Variants in EXO1 observed in about 807,000 individuals in gnomAD.
EXO1 encodes exonuclease 1.
In EXO1, 69 loss-of-function variants were observed where a neutral mutation model predicts 84.5. The ratio of observed to expected loss-of-function variants is 0.82; its 90% confidence interval spans 0.67 to 1.00. The LOEUF (loss-of-function observed/expected upper bound fraction) is 1.00, where lower values mean the gene tolerates loss of function less well. EXO1 is among the 50% of genes least tolerant of loss of function. EXO1 has a pLI of 0.00. For missense variants in EXO1, 1,045 were observed against 1,000.7 expected (o/e 1.04, Z -0.60); for synonymous variants, 373 against 366.1 (o/e 1.02, Z -0.21).
chr1:241,851,074 C>A (rs1166189050), intron 4 of EXO1, among the ~76,000 whole-genome samples: 1 of 152,072 alleles, frequency 6.6e-6, no homozygotes, highest in African/African-American at 2.4e-5. Flanking sequence ...AAGTGATCCG[C>A]CTGCTTTGGC....
chr1:241,885,234 A>G (rs1662991592), intron 14 of EXO1, 80 bp from the exon 15 acceptor site: 1 of 788,250 alleles, frequency 1.3e-6, no homozygotes, highest in African/African-American at 1.8e-5. Flanking sequence ...ATAAATAAAT[A>G]AGTAAAGAAT....
In EXO1 at chr1:241,889,891, AT is replaced by A; in HGVS notation, c.*294del. On this transcript the variant is annotated 3_prime_UTR_variant, in exon 16 of 16. Transcript: ENST00000366548. ...GAGTTTATAAAAGTCTACTCTAAAT[AT>A]TTCTGTAATGTTGTCAAGTAGAAAG... 2.6e-6 allele frequency: 1 copy of A among 378,880 alleles called. No homozygotes were observed. Among genetic ancestry groups the A allele is most frequent in the South Asian group, 2.6e-5 (1 of 38,622 alleles). 23.5% of individuals were successfully genotyped at this position (378,880 alleles called of 1,614,324 possible).
rs1661776403 is a variant in EXO1, at chr1:241,866,925, A to G, written c.1137A>G (p.Pro379=). The G allele has an allele frequency of 6.2e-7, 1 of 1,614,088 alleles. No individual in the cohort carries two copies. The highest frequency in any genetic ancestry group is 8.5e-7 in the Non-Finnish European group (1 of 1,179,922). The change falls in exon 11 of 16, where the codon CCA becomes CCG. Residue 379 remains proline, a synonymous_variant. Coordinates refer to ENST00000366548, the MANE Select transcript of EXO1 (RefSeq NM_130398.4). ...SIWHRNYSPR[P]ESGTVSDAPQ... ...GGCATAGGAATTACTCTCCCAGACC[A>G]GAGTCGGGTACTGTTTCAGATGCCC... is the stretch of plus-strand genomic sequence containing the variant.
chr1:241,861,713 GTTAT>G (rs1360467599), intron 10 of EXO1, among the ~76,000 whole-genome samples: 1 of 152,132 alleles, frequency 6.6e-6, no homozygotes, highest in Non-Finnish European at 1.5e-5. Context: ...AGAAGTGACT[GTTAT>G]TTATTATCAA....
intron 12 of EXO1, among the ~76,000 whole-genome samples, chr1:241,875,594 T>C (rs1662345066): frequency 6.6e-6 from 1 of 152,148 alleles, no homozygotes; most frequent in Non-Finnish European, 1.5e-5. Context: ...TATACACTGA[T>C]TGGGCCGGCC....
At chr1:241,887,014 T>C (rs1663105025) in intron 15 of EXO1, among the ~76,000 whole-genome samples, 1 of 152,212 alleles carries the variant, frequency 6.6e-6, no homozygotes, top group Non-Finnish European at 1.5e-5. Context: ...AATATATACT[T>C]TGATAGCCTT....
Position 241,857,381 on chromosome 1 carries a change from C to T in EXO1, c.442C>T (p.Pro148Ser), listed in dbSNP as rs778317733. Residue 148 changes from proline to serine, a missense_variant, in exon 7 of 16, where the codon CCC (proline) becomes TCC (serine). Coordinates refer to ENST00000366548, the MANE Select transcript of EXO1 (RefSeq NM_130398.4). ...RSQGVDCLVAPYEADAQLAYL... is the reference protein window; with the variant it reads ...RSQGVDCLVASYEADAQLAYL... Reference sequence around the variant, plus strand: ...TCAGGGGGTAGATTGCCTCGTGGCTCCCTATGAAGCTGATGCGCAGTTGGC... The same window carrying T: ...TCAGGGGGTAGATTGCCTCGTGGCTTCCTATGAAGCTGATGCGCAGTTGGC... The T allele has an allele frequency of 4.3e-6, 7 of 1,613,746 alleles. No homozygotes were observed. The East Asian group carries it at 1.6e-4, about 36-fold the overall frequency.
At position 241,857,464 on chromosome 1, in the gene EXO1, A is replaced by C. The variant is rs1265568204; in HGVS notation, c.525A>C (p.Leu175=). The C allele has an allele frequency of 6.2e-7, 1 of 1,613,718 alleles. No individual in the cohort carries two copies. Among genetic ancestry groups the C allele is most frequent in the African/African-American group, 1.3e-5 (1 of 74,888 alleles). The change falls in exon 7 of 16, where the codon CTA becomes CTC. Residue 175 remains leucine (L), a synonymous_variant. Transcript: ENST00000366548. ...QAIITEDSDL[L]AFGCKKVILK... ...TAATTACAGAGGACTCGGATCTCCT[A>C]GCTTTTGGCTGTAAAAAGGTACTCA... is the stretch of plus-strand genomic sequence containing the variant.
At chr1:241,876,064 C>T (rs983041213) in intron 12 of EXO1, among the ~76,000 whole-genome samples, 1 of 152,076 alleles carries the variant, frequency 6.6e-6, no homozygotes, top group African/African-American at 2.4e-5. Flanking sequence ...CTACAGGGCT[C>T]GCCTATTTAG....
At chr1:241,886,588 A>G (rs1027437180) in intron 15 of EXO1, among the ~76,000 whole-genome samples, 4 of 152,222 alleles carry the variant, frequency 2.6e-5, no homozygotes, top group African/African-American at 9.6e-5. Context: ...ATTAAACCAT[A>G]TGACAGCAGT....
At position 241,881,958 on chromosome 1, in the gene EXO1, C is replaced by T. The variant is rs146594026; in HGVS notation, c.2152C>T (p.Gln718Ter). ...NIKLLDSQSDQTSKLRLSHFS... is the reference protein window; with the variant it reads ...NIKLLDSQSD ...TAAGTTACTTGACAGTCAAAGTGAC[C>T]AGACCTCCAAGCTACGTTTATCTCA... The change falls in exon 14 of 16, where the codon CAG becomes TAG. Residue 718 changes from glutamine (Q) to a stop codon, truncating the protein, a stop_gained. Transcript: ENST00000366548. LOFTEE classifies it high-confidence loss of function. The T allele has an allele frequency of 1.7e-4, 266 of 1,583,562 alleles. 1 individual carries two copies. The highest frequency in any genetic ancestry group is 3.1e-4 in the East Asian group (14 of 44,530).
intron 4 of EXO1, among the ~76,000 whole-genome samples, 156 bp downstream of exon 4, chr1:241,850,742 T>C (rs1660616256): frequency 6.6e-6 from 1 of 152,142 alleles, no homozygotes; most frequent in South Asian, 2.1e-4. Flanking sequence ...CAGGGATGAC[T>C]TCCTTCTGTG....
chr1:241,848,844 C>G lies in EXO1; in HGVS notation c.-306C>G, dbSNP rs1485670383. On this transcript the variant is annotated 5_prime_UTR_variant, in exon 2 of 16. Transcript: ENST00000366548. This position sits in a 1 kb window ranked among gnomAD's most constrained non-coding sequence, Gnocchi z 4.2. ...TTATTGTTACCTCGAGTGCCACATG[C>G]GACCTCTGAGATATGTACACAGTCA... is the stretch of plus-strand genomic sequence containing the variant. The G allele has an allele frequency of 6.6e-6, 1 of 152,126 alleles. No homozygotes were observed. Among genetic ancestry groups the G allele is most frequent in the Non-Finnish European group, 1.5e-5 (1 of 68,034 alleles). The allele number at this position is 152,126 out of a possible 1,614,324, so 9.4% of individuals were successfully genotyped here. A position where few individuals can be genotyped will look rare whatever the true frequency, so the allele number is the denominator to read the frequency against.
chr1:241,859,277 A>G (rs1445038244), intron 8 of EXO1, among the ~76,000 whole-genome samples: 1 of 152,146 alleles, frequency 6.6e-6, no homozygotes, highest in Non-Finnish European at 1.5e-5. Flanking sequence ...GGAATCATAC[A>G]TTTATGCAAA....
chr1:241,851,116 C>T (rs1660648502), intron 4 of EXO1, among the ~76,000 whole-genome samples: 2 of 152,164 alleles, frequency 1.3e-5, no homozygotes, highest in Admixed American at 1.3e-4. Flanking sequence ...AGGCGTGAGC[C>T]ACCATGCCTG....
In EXO1 at chr1:241,850,391, T is replaced by C. The variant is rs776925085; in HGVS notation, c.-17-18T>C. 2.0e-6 allele frequency: 3 copies of C among 1,519,780 alleles called. No individual in the cohort carries two copies. The highest frequency in any genetic ancestry group is 1.8e-6 in the Non-Finnish European group (2 of 1,094,520). The allele number at this position is 1,519,780 out of a possible 1,614,324, so 94.1% of individuals were successfully genotyped here. A position where few individuals can be genotyped will look rare whatever the true frequency, so the allele number is the denominator to read the frequency against. ...TTTCTTTAAATATTACTGTTCTCCC[T>C]GTCTCTTTTCATATCAGGTAGTTAA... On this transcript the variant is annotated intron_variant, in intron 3 of 15. Coordinates refer to ENST00000366548, the MANE Select transcript of EXO1 (RefSeq NM_130398.4).
At chr1:241,853,892 G>C (rs1488979864) in intron 6 of EXO1, among the ~76,000 whole-genome samples, 2 of 152,024 alleles carry the variant, frequency 1.3e-5, no homozygotes, top group Non-Finnish European at 2.9e-5. Flanking sequence ...CAAATTCCTG[G>C]AGGCATCGGT....
intron 12 of EXO1, among the ~76,000 whole-genome samples, chr1:241,877,576 T>G (rs1473635513): frequency 6.6e-6 from 1 of 152,182 alleles, no homozygotes; most frequent in East Asian, 1.9e-4. Context: ...CTGTTCATTA[T>G]CTTGGATTTG....
chr1:241,869,776 CTCCT>C (rs1193708680), intron 11 of EXO1, among the ~76,000 whole-genome samples: 6 of 29,850 alleles, frequency 2.0e-4, no homozygotes, highest in South Asian at 1.8e-3. Flanking sequence ...CCCTCCCTCC[CTCCT>C]TCCTTCCTTC....
Sources: allele counts gnomAD v4.1 joint callset (sites outside exome capture counted in the v4.1 genomes callset), GRCh38; gene constraint gnomAD v4.1.1; non-coding constraint Gnocchi (gnomAD v3.1); transcripts MANE v1.5; gene names NCBI Gene and HGNC (gene_info 2026-07-23, HGNC 2026-07-21).